RASSF2: variants seen among roughly 807,000 people sequenced by gnomAD.
RASSF2 encodes Ras association domain family member 2, also known as ras association domain-containing protein 2.
Under a neutral mutation model 46.3 loss-of-function variants are expected in RASSF2, and 34 were observed. The observed-to-expected ratio is 0.73, with a 90% CI of 0.56 to 0.98. The LOEUF (loss-of-function observed/expected upper bound fraction) is 0.98. Ranked by LOEUF, RASSF2 falls within the 50% of genes least tolerant of loss-of-function variation. The probability of loss-of-function intolerance (pLI) is 0.00; values close to 1 mark genes in which losing one functional copy is unlikely to be tolerated. For synonymous variants in RASSF2, 158 were observed against 162.5 expected, an observed-to-expected ratio of 0.97 and a Z score of 0.21; for missense variants, 364 against 431.2, an observed-to-expected ratio of 0.84 and a Z score of 1.38.
At chr20:4,785,505 C>A (rs1925248732) in intron 11 of RASSF2, among the ~76,000 whole-genome samples, 1 of 152,246 alleles carries the variant, frequency 6.6e-6, no homozygotes, top group South Asian at 2.1e-4. Context: ...GAAAGGCAGT[C>A]TCTTCTATGA....
intron 8 of RASSF2, 52 bp from the exon 9 acceptor site, chr20:4,788,320 A>G: frequency 6.6e-7 from 1 of 1,513,476 alleles, no homozygotes; most frequent in Non-Finnish European, 9.2e-7. Context: ...AAACATCCCA[A>G]CTTCGAGGCT....
intron 3 of RASSF2, among the ~76,000 whole-genome samples, chr20:4,798,658 C>G (rs1926584662): frequency 6.6e-6 from 1 of 151,706 alleles, no homozygotes; most frequent in African/African-American, 2.4e-5. Flanking sequence ...AACCCCATCT[C>G]TAACAAAAAT....
chr20:4,787,572 G>T (rs1274241233), intron 10 of RASSF2, 61 bp downstream of exon 10: 11 of 1,607,696 alleles, frequency 6.8e-6, no homozygotes, highest in Non-Finnish European at 9.4e-6. Context: ...CCCAGTTACA[G>T]GTGGTCCAAC....
intron 2 of RASSF2, among the ~76,000 whole-genome samples, chr20:4,818,441 G>A (rs1231578341): frequency 1.3e-5 from 2 of 152,200 alleles, no homozygotes; most frequent in Admixed American, 1.3e-4. Context: ...AAAATCACTG[G>A]GGTCACATGC....
chr20:4,815,728 T>C (rs575963540), intron 2 of RASSF2, among the ~76,000 whole-genome samples: 76 of 152,316 alleles, frequency 5.0e-4, no homozygotes, highest in Non-Finnish European at 9.3e-4. Context: ...ACCCTGAGAT[T>C]AAGCAGCAGT....
Position 4,783,476 on chromosome 20 carries a change from A to T in RASSF2, c.*797T>A, listed in dbSNP as rs1025940512. The T allele has an allele frequency of 3.3e-5, 5 of 152,616 alleles. No individual in the cohort carries two copies. The highest frequency in any genetic ancestry group is 1.2e-4 in the African/African-American group (5 of 41,456). 9.5% of individuals were successfully genotyped at this position (152,616 alleles called of 1,614,324 possible). A position where few individuals can be genotyped will look rare whatever the true frequency, so the allele number is the denominator to read the frequency against. On this transcript the variant is annotated 3_prime_UTR_variant, in exon 12 of 12. Transcript: ENST00000379400. ...AGCTGGGTACAGAGAAACACACAGG[A>T]TCTTCTCTGTCTCCTAAAGGTAGCC...
chr20:4,799,883 G>A (rs1036431218), intron 3 of RASSF2, among the ~76,000 whole-genome samples: 5 of 152,094 alleles, frequency 3.3e-5, no homozygotes, highest in Non-Finnish European at 5.9e-5. Flanking sequence ...AGGCCAAGGC[G>A]GGTGGATCAC....
At chr20:4,805,368 G>A (rs536457691) in intron 2 of RASSF2, among the ~76,000 whole-genome samples, 2 of 152,212 alleles carry the variant, frequency 1.3e-5, no homozygotes, top group Non-Finnish European at 2.9e-5. Context: ...GGACGAAGAT[G>A]GAGGAAGGGG....
chr20:4,791,182 G>T (rs1478018845), intron 6 of RASSF2, among the ~76,000 whole-genome samples: 1 of 152,190 alleles, frequency 6.6e-6, no homozygotes, highest in African/African-American at 2.4e-5. Context: ...GAGGTACACT[G>T]TAAGTACATT....
chr20:4,818,335 G>C (rs1376804089), intron 2 of RASSF2, among the ~76,000 whole-genome samples: 1 of 151,974 alleles, frequency 6.6e-6, no homozygotes, highest in African/African-American at 2.4e-5. Flanking sequence ...TGCAGGTGAG[G>C]TTCAACCGGT....
At chr20:4,800,463 G>A (rs554689343) in intron 3 of RASSF2, among the ~76,000 whole-genome samples, 1 of 152,254 alleles carries the variant, frequency 6.6e-6, no homozygotes, top group African/African-American at 2.4e-5. Flanking sequence ...GTCAGTGTCT[G>A]GTGACAGCCC....
intron 2 of RASSF2, among the ~76,000 whole-genome samples, chr20:4,808,504 T>G (rs976842048): frequency 3.4e-5 from 5 of 145,864 alleles, no homozygotes; most frequent in Non-Finnish European, 4.5e-5. Flanking sequence ...TTTTTTTTTT[T>G]GAGACAGGGT....
At chr20:4,814,426 C>T (rs973112114) in intron 2 of RASSF2, among the ~76,000 whole-genome samples, 1 of 152,180 alleles carries the variant, frequency 6.6e-6, no homozygotes, top group Non-Finnish European at 1.5e-5. Flanking sequence ...CTCAAGGGAA[C>T]CCCAGCATTC....
At chr20:4,813,213 C>T (rs186985064) in intron 2 of RASSF2, among the ~76,000 whole-genome samples, 1 of 152,324 alleles carries the variant, frequency 6.6e-6, no homozygotes. Flanking sequence ...GGCAAGCTAC[C>T]GCACTCCCAT....
At chr20:4,796,311 A>G (rs1018286600) in intron 4 of RASSF2, among the ~76,000 whole-genome samples, 1 of 152,268 alleles carries the variant, frequency 6.6e-6, no homozygotes, top group East Asian at 1.9e-4. Context: ...CCTTGTTAAC[A>G]GAAGCAAGAA....
Position 4,798,047 on chromosome 20 carries a change from T to C in RASSF2, c.98A>G (p.Tyr33Cys), listed in dbSNP as rs997933843. 1 of 1,613,982 alleles carries C rather than the reference T, an allele frequency of 6.2e-7. No homozygotes were observed. The highest frequency in any genetic ancestry group is 8.5e-7 in the Non-Finnish European group (1 of 1,179,918). ...GAGCTGTAAATTCTGGCCTTCATAG[T>C]ACAAGTTGTAGGTCTTCAGATGCAA... ...LLLHLKTYNL[Y>C]YEGQNLQLRH... Residue 33 changes from tyrosine (Y) to cysteine (C), a missense_variant, in exon 4 of 12, where the codon TAC becomes TGC. Tyr to Cys is a radical substitution (Grantham distance 194, BLOSUM62 -2). Coordinates refer to ENST00000379400, the MANE Select transcript of RASSF2 (RefSeq NM_014737.3).
At chr20:4,809,141 C>A (rs1380481405) in intron 2 of RASSF2, among the ~76,000 whole-genome samples, 1 of 152,178 alleles carries the variant, frequency 6.6e-6, no homozygotes, top group African/African-American at 2.4e-5. Context: ...AATGCCTGGG[C>A]AATGCATTCT....
Position 4,781,074 on chromosome 20 carries a change from TG to T in RASSF2, c.*3198del, listed in dbSNP as rs1401275099. The T allele has an allele frequency of 6.6e-6, 1 of 152,196 alleles. No homozygotes were observed. The highest frequency in any genetic ancestry group is 2.4e-5 in the African/African-American group (1 of 41,454). The allele number at this position is 152,196 out of a possible 1,614,324, so 9.4% of individuals were successfully genotyped here. A position where few individuals can be genotyped will look rare whatever the true frequency, so the allele number is the denominator to read the frequency against. Reference sequence around the variant, plus strand: ...CATAAAACATGGTTTTTGGTTGTTTTGTTGTTGGTGGTGGTTTCTTTAAAGA... The same window carrying T: ...CATAAAACATGGTTTTTGGTTGTTTTTTGTTGGTGGTGGTTTCTTTAAAGA... On this transcript the variant is annotated 3_prime_UTR_variant, in exon 12 of 12. Coordinates refer to ENST00000379400, the MANE Select transcript of RASSF2 (RefSeq NM_014737.3).
chr20:4,792,934 G>A, intron 5 of RASSF2: 1 of 393,676 alleles, frequency 2.5e-6, no homozygotes, highest in Non-Finnish European at 4.6e-6. Flanking sequence ...ATAATACCAA[G>A]GAACAAAACC....
Sources: gnomAD v4.1 joint callset for allele counts (sites outside exome capture counted in the v4.1 genomes callset) on GRCh38, gnomAD v4.1.1 for gene constraint, MANE v1.5 for transcripts, NCBI Gene and HGNC (gene_info 2026-07-23, HGNC 2026-07-21) for gene names.